The following FRY variants were observed in gnomAD, a reference collection of about 807,000 sequenced individuals.
FRY encodes the protein protein furry homolog.
Under a neutral mutation model 348.4 loss-of-function variants are expected in FRY, and 128 were observed. The ratio of observed to expected loss-of-function variants is 0.37; its 90% CI spans 0.32 to 0.43. The LOEUF (loss-of-function observed/expected upper bound fraction) is 0.43, where lower values mean the gene tolerates loss of function less well. FRY is among the 20% of genes least tolerant of loss of function. FRY has a pLI of 1.00. For synonymous variants in FRY, 1,370 were observed against 1,374.7 expected (o/e 1.00, Z 0.08); for missense variants, 2,736 against 3,695.2 (o/e 0.74, Z 6.73).
At chr13:32,096,437 C>CA (rs558615228) in intron 2 of FRY, among the ~76,000 whole-genome samples, 1 of 148,060 alleles carries the variant, frequency 6.8e-6, no homozygotes, top group Admixed American at 6.7e-5. Flanking sequence ...GGGAAAACTG[C>CA]GGGGGGGGGC....
At chr13:32,233,814 G>T (rs1222975552) in intron 41 of FRY, among the ~76,000 whole-genome samples, 1 of 152,204 alleles carries the variant, frequency 6.6e-6, no homozygotes. Context: ...CACTTTGTAA[G>T]TTGTTTAATT....
intron 1 of FRY, among the ~76,000 whole-genome samples, chr13:32,037,108 T>C (rs1423425399): frequency 2.0e-5 from 3 of 151,658 alleles, no homozygotes; most frequent in Non-Finnish European, 2.9e-5. Flanking sequence ...ATAGGCCTAT[T>C]TGAAAGACCT....
intron 18 of FRY, 117 bp from the exon 19 acceptor site, chr13:32,173,250 G>T: frequency 2.7e-6 from 2 of 730,022 alleles, no homozygotes; most frequent in East Asian, 2.6e-5. Flanking sequence ...TCTAAACCAT[G>T]GTCATTTATT....
chr13:32,280,840 G>C (rs936838192), intron 58 of FRY, among the ~76,000 whole-genome samples: 3 of 152,142 alleles, frequency 2.0e-5, no homozygotes, highest in African/African-American at 7.2e-5. Context: ...AGAAATTCCA[G>C]TTAACTTATC....
intron 27 of FRY, among the ~76,000 whole-genome samples, chr13:32,186,959 T>C (rs181651580): frequency 1.8e-3 from 279 of 152,298 alleles, no homozygotes; most frequent in African/African-American, 6.4e-3. Flanking sequence ...TGATAGTCAG[T>C]TGGACCTGCC....
At chr13:32,164,492 G>C (rs1881619086) in intron 17 of FRY, among the ~76,000 whole-genome samples, 1 of 152,110 alleles carries the variant, frequency 6.6e-6, no homozygotes, top group South Asian at 2.1e-4. Flanking sequence ...GAATACCACA[G>C]ACACTTACAC....
chr13:32,184,610 G>A lies in FRY; in HGVS notation c.3065G>A (p.Arg1022His), dbSNP rs1882911813. The A allele has an allele frequency of 3.1e-6, 5 of 1,611,248 alleles. No homozygotes were observed. Among genetic ancestry groups the A allele is most frequent in the Non-Finnish European group, 4.2e-6 (5 of 1,177,476 alleles). ...CCTCTTTCTACACAGAACAAGAAAC[G>A]CCGAGAACGGCGAGACTTGTTAAGG... The part of the protein sequence containing the change: ...ALERRPENKK[R>H]RERRDLLRLQ... Residue 1022 changes from arginine (R) to histidine (H), a missense_variant, in exon 25 of 61, where the codon CGC becomes CAC. This residue lies in a region of FRY where 449 missense variants were observed against 576.9 expected (regional missense o/e 0.78). Coordinates refer to ENST00000542859, the MANE Select transcript of FRY (RefSeq NM_023037.3).
At chr13:32,174,846 A>C (rs138678399) in intron 19 of FRY, among the ~76,000 whole-genome samples, 1 of 152,120 alleles carries the variant, frequency 6.6e-6, no homozygotes, top group Non-Finnish European at 1.5e-5. Flanking sequence ...TGGTGAATGA[A>C]TATATAATAT....
At chr13:32,274,514 C>T (rs949240795) in intron 55 of FRY, among the ~76,000 whole-genome samples, 24 of 151,680 alleles carry the variant, frequency 1.6e-4, no homozygotes, top group Admixed American at 4.6e-4. Flanking sequence ...ACCATCCTGG[C>T]TAACACAGTG....
At chr13:32,123,084 A>G (rs1439208495) in intron 4 of FRY, among the ~76,000 whole-genome samples, 2 of 152,252 alleles carry the variant, frequency 1.3e-5, no homozygotes, top group African/African-American at 4.8e-5. Flanking sequence ...AAGGATAGGT[A>G]GAATCAATAT....
intron 51 of FRY, among the ~76,000 whole-genome samples, chr13:32,258,516 G>A (rs1887453718): frequency 6.6e-6 from 1 of 152,102 alleles, no homozygotes; most frequent in Admixed American, 6.5e-5. Flanking sequence ...GGGAGGCTGA[G>A]GCAGGAGAAT....
intron 1 of FRY, among the ~76,000 whole-genome samples, chr13:32,053,678 T>C (rs574961779): frequency 6.6e-6 from 1 of 152,364 alleles, no homozygotes; most frequent in South Asian, 2.1e-4. Flanking sequence ...CTTAAGAGTC[T>C]TCCCTGAAGG....
chr13:32,243,966 A>T (rs184707811), intron 46 of FRY, 76 bp from the exon 47 acceptor site: 540 of 1,483,240 alleles, frequency 3.6e-4, no homozygotes, highest in Non-Finnish European at 4.8e-4. Flanking sequence ...GCAATCCTAA[A>T]TGTGTTGGAA....
In FRY at chr13:32,295,619, G is replaced by A. The variant is rs777330649; in HGVS notation, c.*159G>A. 34 of 678,422 alleles carry A rather than the reference G, an allele frequency of 5.0e-5. No individual in the cohort carries two copies. Among genetic ancestry groups the A allele is most frequent in the African/African-American group, 3.7e-4 (21 of 56,120 alleles). 42.0% of individuals were successfully genotyped at this position (678,422 alleles called of 1,614,324 possible). Reference sequence around the variant, plus strand: ...TAAAGAGGATGGCAGAACTTCCAACGTGTAGCAATACTATAAGAACCAAGG... The same window carrying A: ...TAAAGAGGATGGCAGAACTTCCAACATGTAGCAATACTATAAGAACCAAGG... On this transcript the variant is annotated 3_prime_UTR_variant, in exon 61 of 61. Coordinates refer to ENST00000542859, the MANE Select transcript of FRY (RefSeq NM_023037.3).
At chr13:32,215,408 G>C (rs1884933348) in intron 35 of FRY, among the ~76,000 whole-genome samples, 1 of 152,010 alleles carries the variant, frequency 6.6e-6, no homozygotes, top group Non-Finnish European at 1.5e-5. Context: ...TACATCTATT[G>C]TGTATTAATA....
At chr13:32,204,501 T>C (rs1456852657) in intron 31 of FRY, among the ~76,000 whole-genome samples, 2 of 152,250 alleles carry the variant, frequency 1.3e-5, no homozygotes, top group African/African-American at 4.8e-5. Context: ...CTTTCTACCT[T>C]TTCATTCAAG....
intron 4 of FRY, among the ~76,000 whole-genome samples, chr13:32,122,885 T>C (rs76545618): frequency 0.08 from 12,175 of 152,232 alleles, 520 homozygotes; most frequent in African/African-American, 0.13. Context: ...CTCTTCTATA[T>C]ACTAACAACG....
rs146590362 is a variant in FRY, at chr13:32,272,362, C to T, written c.8137-2480C>T. ...ATGGTTTCTGTCGGTACAGTATGGA[C>T]ATTTTTCCAAGTGTCTCAGTCATTG... On this transcript the variant is annotated intron_variant, in intron 55 of 60. Coordinates refer to ENST00000542859, the MANE Select transcript of FRY (RefSeq NM_023037.3). Among the ~76,000 whole-genome samples, 15 of 152,308 alleles carry T rather than the reference C, an allele frequency of 9.8e-5. No individual in the cohort carries two copies. In the East Asian group the frequency reaches 2.9e-3, roughly 29 times the overall value.
At chr13:32,241,946 G>A (rs1886533103) in intron 46 of FRY, among the ~76,000 whole-genome samples, 1 of 152,190 alleles carries the variant, frequency 6.6e-6, no homozygotes, top group South Asian at 2.1e-4. Context: ...ATATAATTTT[G>A]TGTCACTGTG....
Sources: allele counts gnomAD v4.1 joint callset (sites outside exome capture counted in the v4.1 genomes callset), GRCh38; gene constraint gnomAD v4.1.1; regional missense constraint gnomAD v4.1.1; transcripts MANE v1.5; gene names NCBI Gene and HGNC (gene_info 2026-07-23, HGNC 2026-07-21).